Variants in ABCB7 observed in about 807,000 individuals in gnomAD.
ABCB7 encodes ATP binding cassette subfamily B member 7, also known as iron-sulfur clusters transporter ABCB7, mitochondrial.
In ABCB7, 7 loss-of-function variants were observed where a neutral mutation model predicts 54.4. That is an observed-to-expected ratio of 0.13 (90% CI 0.07 to 0.24). ABCB7 has a LOEUF of 0.24. ABCB7 is among the 10% of genes least tolerant of loss of function. ABCB7 has a pLI of 1.00. For synonymous variants in ABCB7, 218 were observed against 207.1 expected, an observed-to-expected ratio of 1.05 and a Z score of -0.45; for missense variants, 356 against 570.4, an observed-to-expected ratio of 0.62 and a Z score of 3.83.
At chrX:75,065,890 C>A (rs1309044085) in intron 12 of ABCB7, among the ~76,000 whole-genome samples, 4 of 110,952 alleles carry the variant, frequency 3.6e-5, no homozygotes, top group Non-Finnish European at 7.6e-5. Context: ...TATGAGGGTG[C>A]CAGTTCCTCA....
intron 13 of ABCB7, among the ~76,000 whole-genome samples, chrX:75,063,317 C>A (rs772333440): frequency 1.4e-4 from 16 of 111,165 alleles, no homozygotes; most frequent in Non-Finnish European, 2.8e-4. Context: ...TGGTACTCTG[C>A]TGACTATGTC....
chrX:75,156,163 G>A lies in ABCB7; in HGVS notation c.110C>T (p.Ser37Leu), dbSNP rs1351172740. The A allele has an allele frequency of 8.3e-7, 1 of 1,208,254 alleles. No homozygotes were observed. The highest frequency in any genetic ancestry group is 1.1e-6 in the Non-Finnish European group (1 of 893,778). The part of the protein sequence containing the change: ...LIRPLVSVSG[S>L]GPQWRPHQLG... ...TTGATGTGGCCTCCACTGCGGACCT[G>A]AGCCGCTAACAGAGACTAAAGGCCG... Residue 37 changes from serine to leucine, a missense_variant, in exon 1 of 16, where the codon TCA becomes TTA. Around this residue, in one of 2 missense-constraint regions of ABCB7, gnomAD observed 115 missense variants for 99.5 expected, o/e 1.16. Coordinates refer to ENST00000373394, the MANE Select transcript of ABCB7 (RefSeq NM_001271696.3).
rs765654827 is a variant in ABCB7 at position 75,138,012 on chromosome X, C to T, written c.168+18093G>A. ...ATGTAACAAACCTGCTCATGTATCCCTTGAACCTAAAAGTTGGAAAGAAAA... is the reference window on the plus strand; with the variant it reads ...ATGTAACAAACCTGCTCATGTATCCTTTGAACCTAAAAGTTGGAAAGAAAA... On this transcript the variant is annotated intron_variant, in intron 1 of 15. Transcript: ENST00000373394. 1.1e-4 allele frequency among the ~76,000 whole-genome samples: 12 copies of T among 111,508 alleles called. No homozygotes were observed. The East Asian group carries it at 3.4e-3, about 31-fold the overall frequency.
intron 4 of ABCB7, among the ~76,000 whole-genome samples, chrX:75,080,427 C>G (rs1264890554): frequency 9.0e-6 from 1 of 111,363 alleles, no homozygotes; most frequent in Admixed American, 9.5e-5. Context: ...GCCTTCGCCT[C>G]TTGAGTAGCT....
At chrX:75,065,293 T>A in intron 12 of ABCB7, 52 bp from the exon 13 acceptor site, 2 of 1,050,915 alleles carry the variant, frequency 1.9e-6, no homozygotes, top group Non-Finnish European at 2.6e-6. Flanking sequence ...TATCTCTCTC[T>A]ATTTATGTTC....
intron 4 of ABCB7, among the ~76,000 whole-genome samples, chrX:75,093,426 C>T (rs928797709): frequency 9.9e-5 from 11 of 111,050 alleles, no homozygotes; most frequent in Non-Finnish European, 2.1e-4. Flanking sequence ...GAAGGAAGGA[C>T]AGATGAGTAG....
At chrX:75,119,767 T>C (rs1363368471) in intron 1 of ABCB7, among the ~76,000 whole-genome samples, 1 of 111,875 alleles carries the variant, frequency 8.9e-6, no homozygotes, top group Non-Finnish European at 1.9e-5. Context: ...TAACTTCGTG[T>C]ATGTTATTAA....
intron 9 of ABCB7, 40 bp downstream of exon 9, chrX:75,071,469 G>C (rs1234792047): frequency 8.4e-7 from 1 of 1,193,287 alleles, no homozygotes; most frequent in Non-Finnish European, 1.1e-6. Flanking sequence ...ATTTATAAAA[G>C]TTGAACAGCC....
rs182753704 is a variant in ABCB7, at chrX:75,146,185, C to T, written c.168+9920G>A. On this transcript the variant is annotated intron_variant, in intron 1 of 15. Transcript: ENST00000373394. Reference sequence around the variant, plus strand: ...GAGATGACACAAACAAATGGAAAAACATTTCATGCTCATGGATAGGAAGAA... The same window carrying T: ...GAGATGACACAAACAAATGGAAAAATATTTCATGCTCATGGATAGGAAGAA... Among the ~76,000 whole-genome samples the T allele has an allele frequency of 3.9e-4, 43 of 111,370 alleles. 1 individual carries two copies. The East Asian group carries it at 8.8e-3, about 23-fold the overall frequency.
chrX:75,085,093 T>C (rs752487760), intron 4 of ABCB7, among the ~76,000 whole-genome samples: 2 of 112,286 alleles, frequency 1.8e-5, no homozygotes, highest in African/African-American at 6.5e-5. Context: ...CACTCTTAAG[T>C]GTTTATTCTA....
chrX:75,089,955 C>T (rs1006894872), intron 4 of ABCB7, among the ~76,000 whole-genome samples: 1 of 110,483 alleles, frequency 9.1e-6, no homozygotes, highest in Non-Finnish European at 1.9e-5. Flanking sequence ...ATATTAATTT[C>T]AGATAAAGCA....
intron 8 of ABCB7, 102 bp downstream of exon 8, chrX:75,073,587 T>C: frequency 1.5e-6 from 1 of 647,583 alleles, no homozygotes; most frequent in East Asian, 3.3e-5. Context: ...AGAGATCATA[T>C]CCTAACCTGA....
In ABCB7 at chrX:75,076,782, T is replaced by C. The variant is rs892935984; in HGVS notation, c.454-128A>G. 5 of 781,168 alleles carry C rather than the reference T, an allele frequency of 6.4e-6. No individual in the cohort carries two copies. In the African/African-American group the frequency reaches 1.0e-4, roughly 16 times the overall value. 64.4% of individuals were successfully genotyped at this position (781,168 alleles called of 1,213,427 possible). A position where few individuals can be genotyped will look rare whatever the true frequency, so the allele number is the denominator to read the frequency against. ...TTACCACTTACTGGTATTAGAGTGA[T>C]TTTCCCCATTCATAAAGACAACATC... On this transcript the variant is annotated intron_variant, in intron 4 of 15. Transcript: ENST00000373394.
chrX:75,072,719 T>C (rs1057044421), intron 8 of ABCB7, among the ~76,000 whole-genome samples: 2 of 111,377 alleles, frequency 1.8e-5, no homozygotes, highest in African/African-American at 6.5e-5. Flanking sequence ...ATAAACACTG[T>C]ATGCTCAGGC....
At chrX:75,094,132 C>T (rs1200393654) in intron 4 of ABCB7, among the ~76,000 whole-genome samples, 1 of 103,515 alleles carries the variant, frequency 9.7e-6, no homozygotes, top group Non-Finnish European at 1.9e-5. Flanking sequence ...ATAACAGATG[C>T]ATTTCTGAAG....
chrX:75,148,951 T>A (rs751413762), intron 1 of ABCB7, among the ~76,000 whole-genome samples: 1 of 111,836 alleles, frequency 8.9e-6, no homozygotes, highest in East Asian at 2.8e-4. Context: ...TAGCAAACAT[T>A]CATGCACTCA....
At chrX:75,092,408 A>G (rs776076850) in intron 4 of ABCB7, among the ~76,000 whole-genome samples, 1 of 111,735 alleles carries the variant, frequency 8.9e-6, no homozygotes, top group East Asian at 2.8e-4. Flanking sequence ...CAGACCTTAC[A>G]TATTTCATAA....
At chrX:75,058,661 TAATAA>T (rs1423823320) in intron 15 of ABCB7, among the ~76,000 whole-genome samples, 1 of 111,819 alleles carries the variant, frequency 8.9e-6, no homozygotes, top group Non-Finnish European at 1.9e-5. Flanking sequence ...CTATGATCAT[TAATAA>T]ATTAGGTCCA....
chrX:75,113,473 T>C (rs1970847569), intron 2 of ABCB7, among the ~76,000 whole-genome samples: 1 of 112,166 alleles, frequency 8.9e-6, no homozygotes. Context: ...TTTTTTAATA[T>C]CTCATAGTCT....
Sources: allele counts gnomAD v4.1 joint callset (sites outside exome capture counted in the v4.1 genomes callset), GRCh38; gene constraint gnomAD v4.1.1; regional missense constraint gnomAD v4.1.1; transcripts MANE v1.5; gene names NCBI Gene and HGNC (gene_info 2026-07-23, HGNC 2026-07-21).